Variants in GNAO1 observed in about 807,000 individuals in gnomAD.
GNAO1 encodes the protein guanine nucleotide-binding protein G(o) subunit alpha.
For missense variants in GNAO1, 166 were observed against 478.7 expected, an observed-to-expected ratio of 0.35 and a Z score of 6.10; for synonymous variants, 164 against 180.7, an observed-to-expected ratio of 0.91 and a Z score of 0.74.
intron 3 of GNAO1, among the ~76,000 whole-genome samples, chr16:56,290,849 C>T (rs2037224481): frequency 6.6e-6 from 1 of 152,222 alleles, no homozygotes; most frequent in African/African-American, 2.4e-5. Flanking sequence ...CTCTCTGTCT[C>T]TATGGATTTG....
At chr16:56,233,379 G>T (rs539579201) in intron 2 of GNAO1, among the ~76,000 whole-genome samples, 9 of 152,134 alleles carry the variant, frequency 5.9e-5, no homozygotes, top group Non-Finnish European at 8.8e-5. Context: ...ATGAATGGAA[G>T]GTCTTCTATG....
chr16:56,217,346 C>T (rs915617386), intron 2 of GNAO1, among the ~76,000 whole-genome samples: 12 of 152,176 alleles, frequency 7.9e-5, no homozygotes, highest in African/African-American at 2.9e-4. Flanking sequence ...AATAAGACAT[C>T]AGATTTAGCT....
intron 3 of GNAO1, among the ~76,000 whole-genome samples, chr16:56,294,420 T>C (rs921677429): frequency 2.6e-5 from 4 of 151,852 alleles, no homozygotes; most frequent in African/African-American, 9.7e-5. Context: ...CCTCTGCTTG[T>C]CTCTGGATTC....
chr16:56,257,538 G>T (rs1252449523), intron 2 of GNAO1, among the ~76,000 whole-genome samples: 2 of 152,042 alleles, frequency 1.3e-5, no homozygotes, highest in African/African-American at 2.4e-5. Flanking sequence ...TGTGCATCTT[G>T]TTGGGTCCTT....
At chr16:56,207,040 T>C (rs1013663098) in intron 2 of GNAO1, among the ~76,000 whole-genome samples, 8 of 152,264 alleles carry the variant, frequency 5.3e-5, no homozygotes, top group African/African-American at 1.9e-4. Context: ...TACATATTAC[T>C]CTCCTTACAT....
chr16:56,279,958 G>T (rs1373531397), intron 3 of GNAO1, among the ~76,000 whole-genome samples: 10 of 152,228 alleles, frequency 6.6e-5, no homozygotes, highest in Non-Finnish European at 7.3e-5. Flanking sequence ...TCAGCACTTA[G>T]TAGGACTTCA....
At chr16:56,257,848 G>A (rs956915999) in intron 2 of GNAO1, among the ~76,000 whole-genome samples, 5 of 152,228 alleles carry the variant, frequency 3.3e-5, no homozygotes, top group African/African-American at 4.8e-5. Context: ...GGCTGTGGGC[G>A]TAGACTGACA....
At chr16:56,347,779 T>A in intron 6 of GNAO1, 1 of 423,006 alleles carries the variant, frequency 2.4e-6, no homozygotes, top group Non-Finnish European at 2.6e-6. Context: ...CTCCCCTCCC[T>A]TTCCCTCCTC....
At chr16:56,289,027 CA>C (rs111415218) in intron 3 of GNAO1, among the ~76,000 whole-genome samples, 38,306 of 150,090 alleles carry the variant, frequency 0.26, 5,516 homozygotes, top group East Asian at 0.6. Context: ...CCTTTGTATC[CA>C]AAAAAGGGGG....
At chr16:56,225,672 A>G (rs1236372123) in intron 2 of GNAO1, among the ~76,000 whole-genome samples, 1 of 152,132 alleles carries the variant, frequency 6.6e-6, no homozygotes, top group Non-Finnish European at 1.5e-5. Context: ...TAAAAATGAT[A>G]GCCCCATCCA....
chr16:56,258,472 G>C (rs934568706), intron 2 of GNAO1, among the ~76,000 whole-genome samples: 6 of 152,222 alleles, frequency 3.9e-5, no homozygotes, highest in African/African-American at 1.4e-4. Flanking sequence ...AACCTGAAAG[G>C]GAGTGTTGGG....
At chr16:56,344,046 T>A in intron 6 of GNAO1, 1 of 1,542,506 alleles carries the variant, frequency 6.5e-7, no homozygotes. Context: ...CTCTTTGCAC[T>A]TGAGGAAGAA....
intron 2 of GNAO1, among the ~76,000 whole-genome samples, chr16:56,237,263 A>C (rs577565064): frequency 6.6e-6 from 1 of 152,338 alleles, no homozygotes; most frequent in Non-Finnish European, 1.5e-5. Context: ...GGGTTTATGC[A>C]GTCATTCGTT....
chr16:56,331,847 A>G (rs538406268), intron 4 of GNAO1, among the ~76,000 whole-genome samples: 7 of 152,222 alleles, frequency 4.6e-5, no homozygotes, highest in African/African-American at 1.7e-4. Context: ...TTGGACATCA[A>G]ATGAGTCTCA....
intron 4 of GNAO1, among the ~76,000 whole-genome samples, chr16:56,329,727 C>A (rs1317005654): frequency 6.6e-6 from 1 of 152,226 alleles, no homozygotes; most frequent in Admixed American, 6.5e-5. Flanking sequence ...CTTTATCCCA[C>A]TAGCTGGGAA....
At chr16:56,319,527 G>A (rs1053776782) in intron 3 of GNAO1, among the ~76,000 whole-genome samples, 6 of 152,140 alleles carry the variant, frequency 3.9e-5, no homozygotes, top group African/African-American at 1.4e-4. Context: ...GCTGACTGGA[G>A]AGAGCTTTCT....
chr16:56,229,408 A>G (rs939732515), intron 2 of GNAO1, among the ~76,000 whole-genome samples: 5 of 152,110 alleles, frequency 3.3e-5, no homozygotes, highest in African/African-American at 9.7e-5. Flanking sequence ...GGGTTTCACC[A>G]TGTTGGCCAG....
At chr16:56,322,711 C>T (rs2037587915) in intron 3 of GNAO1, among the ~76,000 whole-genome samples, 1 of 152,040 alleles carries the variant, frequency 6.6e-6, no homozygotes, top group Non-Finnish European at 1.5e-5. Context: ...AAGAGGAGGT[C>T]GACTTTGAGT....
intron 2 of GNAO1, among the ~76,000 whole-genome samples, chr16:56,257,432 C>T (rs114173743): frequency 0.013 from 1,924 of 152,240 alleles, 42 homozygotes; most frequent in African/African-American, 0.044. Context: ...GCCAAGGCCA[C>T]GTGATTGTCA....
Sources: allele counts gnomAD v4.1 joint callset (sites outside exome capture counted in the v4.1 genomes callset), GRCh38; gene constraint gnomAD v4.1.1; transcripts MANE v1.5; gene names NCBI Gene and HGNC (gene_info 2026-07-23, HGNC 2026-07-21).